Variants in C10orf90 observed in about 807,000 individuals in gnomAD.
C10orf90 encodes the protein chromosome 10 open reading frame 90, also known as (E2-independent) E3 ubiquitin-conjugating enzyme FATS.
A neutral mutation model predicts 62.5 loss-of-function variants in C10orf90; 56 were observed. The observed-to-expected ratio is 0.90, with a 90% CI of 0.72 to 1.12. C10orf90 has a LOEUF of 1.12. Among genes scored for constraint, C10orf90 ranks in the 50% most tolerant of loss-of-function variants. C10orf90 has a pLI of 0.00. For missense variants in C10orf90, 970 were observed against 880.4 expected, an observed-to-expected ratio of 1.10 and a Z score of -1.29; for synonymous variants, 386 against 340.4, an observed-to-expected ratio of 1.13 and a Z score of -1.47.
At chr10:126,615,167 T>C (rs1376182912) in intron 2 of C10orf90, among the ~76,000 whole-genome samples, 1 of 152,132 alleles carries the variant, frequency 6.6e-6, no homozygotes, top group East Asian at 1.9e-4. Flanking sequence ...GCGCCCTACC[T>C]CACCAAACCT....
intron 2 of C10orf90, among the ~76,000 whole-genome samples, chr10:126,642,992 A>G (rs145821471): frequency 1.3e-4 from 20 of 152,316 alleles, no homozygotes; most frequent in Non-Finnish European, 2.6e-4. Context: ...ACTAATTTCT[A>G]GGGCTCCAGA....
chr10:126,643,930 A>T (rs893092), intron 2 of C10orf90, among the ~76,000 whole-genome samples: 1 of 152,096 alleles, frequency 6.6e-6, no homozygotes. Flanking sequence ...CAGAGGGCAC[A>T]GGTGGCTGCT....
At chr10:126,617,147 T>C (rs751520388) in intron 2 of C10orf90, among the ~76,000 whole-genome samples, 1 of 152,236 alleles carries the variant, frequency 6.6e-6, no homozygotes, top group Non-Finnish European at 1.5e-5. Flanking sequence ...CACATTTCTC[T>C]GTGTGGCGGG....
chr10:126,482,588 A>G (rs1185594215), intron 4 of C10orf90, among the ~76,000 whole-genome samples: 1 of 152,224 alleles, frequency 6.6e-6, no homozygotes, highest in Admixed American at 6.5e-5. Context: ...TGAGAGCTCA[A>G]TTGCACTGTC....
In C10orf90 at chr10:126,449,179, C is replaced by T. The variant is rs182525348; in HGVS notation, c.2188+9861G>A. ...CAAAATTCAATAGCAAATTAAAAGA[C>T]TTATTCACCATGATCAAGTAGGATT... On this transcript the variant is annotated intron_variant, in intron 7 of 9. Coordinates refer to ENST00000488181, the MANE Select transcript of C10orf90 (RefSeq NM_001350921.2). Among the ~76,000 whole-genome samples, 5 of 152,266 alleles carry T rather than the reference C, an allele frequency of 3.3e-5. No homozygotes were observed. In the East Asian group the frequency reaches 9.6e-4, roughly 29 times the overall value.
chr10:126,425,835 G>A lies in C10orf90; in HGVS notation c.*29C>T, dbSNP rs1350626166. The A allele has an allele frequency of 6.2e-7, 1 of 1,610,864 alleles. No homozygotes were observed. The stretch of plus-strand genomic sequence containing the variant: ...AGCATTCGAAGTCCTCCCAGGTCCA[G>A]GTAGTGTGGTCAGCAGGGCAGCCTG... On this transcript the variant is annotated 3_prime_UTR_variant, in exon 10 of 10. Transcript: ENST00000488181.
intron 2 of C10orf90, among the ~76,000 whole-genome samples, chr10:126,534,648 G>T (rs2099554): frequency 1.9e-3 from 288 of 152,282 alleles, no homozygotes; most frequent in African/African-American, 6.7e-3. Context: ...AGGAAGAGAA[G>T]ATGATATCAC....
chr10:126,487,142 C>CAAAAAAAAAAA (rs1158481155), intron 4 of C10orf90, among the ~76,000 whole-genome samples: 13 of 29,456 alleles, frequency 4.4e-4, no homozygotes, highest in African/African-American at 5.5e-4. Flanking sequence ...AAAACTCTGT[C>CAAAAAAAAAAA]AAAAAAAAAA....
chr10:126,670,206 C>A (rs1377052777), intron 1 of C10orf90, 35 bp downstream of exon 1: 1 of 454,948 alleles, frequency 2.2e-6, no homozygotes, highest in South Asian at 1.6e-5. Flanking sequence ...CTGAGTCAAG[C>A]GTGTACCCAC....
At chr10:126,507,356 CAAA>C (rs1204374185) in intron 3 of C10orf90, among the ~76,000 whole-genome samples, 821 of 68,984 alleles carry the variant, frequency 0.012, 3 homozygotes, top group African/African-American at 0.036. Context: ...GACTCCATCT[CAAA>C]AAAAAAAAAA....
chr10:126,628,567 G>C (rs928967014), intron 2 of C10orf90, among the ~76,000 whole-genome samples: 1 of 152,184 alleles, frequency 6.6e-6, no homozygotes, highest in African/African-American at 2.4e-5. Flanking sequence ...GGAGCCCAGG[G>C]GGAGGCATGC....
At chr10:126,616,151 G>A (rs535718654) in intron 2 of C10orf90, among the ~76,000 whole-genome samples, 29 of 146,784 alleles carry the variant, frequency 2.0e-4, no homozygotes, top group East Asian at 2.1e-4. Context: ...TCTTAATTCC[G>A]AGAGTGTGAG....
At chr10:126,653,189 G>C (rs1846325278) in intron 1 of C10orf90, among the ~76,000 whole-genome samples, 7 of 152,168 alleles carry the variant, frequency 4.6e-5, no homozygotes, top group Admixed American at 4.6e-4. Context: ...AGTGGCTGTA[G>C]CAATTCCTTA....
chr10:126,509,696 A>C (rs796777809), intron 3 of C10orf90, among the ~76,000 whole-genome samples: 9 of 152,266 alleles, frequency 5.9e-5, no homozygotes, highest in African/African-American at 2.2e-4. Context: ...AAGTCCCCAA[A>C]CAACAAACTC....
intron 2 of C10orf90, among the ~76,000 whole-genome samples, chr10:126,619,624 T>C (rs1361874143): frequency 6.6e-6 from 1 of 152,134 alleles, no homozygotes; most frequent in Non-Finnish European, 1.5e-5. Flanking sequence ...AAAAACTTGG[T>C]TGTTTTTTTC....
chr10:126,502,876 C>T, intron 4 of C10orf90: 1 of 492,606 alleles, frequency 2.0e-6, no homozygotes, highest in South Asian at 1.6e-5. Context: ...ATCTGAAAGC[C>T]ATGCCAAAAT....
At chr10:126,448,132 A>C (rs1469735348) in intron 7 of C10orf90, among the ~76,000 whole-genome samples, 2 of 149,102 alleles carry the variant, frequency 1.3e-5, no homozygotes, top group African/African-American at 5.0e-5. Context: ...GGCCTCCCAA[A>C]ATGCTAGGAT....
intron 2 of C10orf90, among the ~76,000 whole-genome samples, chr10:126,616,774 T>C (rs1180831633): frequency 6.6e-6 from 1 of 152,176 alleles, no homozygotes; most frequent in African/African-American, 2.4e-5. Flanking sequence ...AAGAGCACAA[T>C]CTTTTAATCT....
chr10:126,449,000 A>G (rs1858984594), intron 7 of C10orf90, among the ~76,000 whole-genome samples: 1 of 152,192 alleles, frequency 6.6e-6, no homozygotes, highest in African/African-American at 2.4e-5. Context: ...CTTTCAAAAA[A>G]ATTGAAGAGG....
Sources: gnomAD v4.1 joint callset for allele counts (sites outside exome capture counted in the v4.1 genomes callset) on GRCh38, gnomAD v4.1.1 for gene constraint, MANE v1.5 for transcripts, NCBI Gene and HGNC (gene_info 2026-07-23, HGNC 2026-07-21) for gene names.